RORB: variants seen among roughly 807,000 people sequenced by gnomAD.
RORB encodes nuclear receptor ROR-beta.
In RORB, 6 loss-of-function variants were observed where a neutral mutation model predicts 59.1. That is an observed-to-expected ratio of 0.10 (90% CI 0.06 to 0.20). The LOEUF is 0.20. RORB is among the 10% of genes least tolerant of loss of function. The pLI, the probability that RORB is intolerant of heterozygous loss-of-function variation, is 1.00. For synonymous variants in RORB, 215 were observed against 204.5 expected, an observed-to-expected ratio of 1.05 and a Z score of -0.44; for missense variants, 320 against 560.5, an observed-to-expected ratio of 0.57 and a Z score of 4.33.
chr9:74,554,273 T>G (rs527526217), intron 1 of RORB, among the ~76,000 whole-genome samples: 6 of 152,284 alleles, frequency 3.9e-5, no homozygotes, highest in Non-Finnish European at 8.8e-5. Context: ...CCTAGTGCCA[T>G]GTATTTGCAT....
chr9:74,636,697 C>T (rs1823709263), intron 3 of RORB, among the ~76,000 whole-genome samples: 1 of 149,650 alleles, frequency 6.7e-6, no homozygotes, highest in Non-Finnish European at 1.5e-5. Context: ...CTGCCGGGGA[C>T]ATCTTCAAAA....
At chr9:74,541,808 G>T (rs1340052036) in intron 1 of RORB, among the ~76,000 whole-genome samples, 1 of 152,136 alleles carries the variant, frequency 6.6e-6, no homozygotes, top group Admixed American at 6.5e-5. Flanking sequence ...CAATAGGTGT[G>T]GGGAGTACAG....
chr9:74,553,084 A>T (rs993278214), intron 1 of RORB, among the ~76,000 whole-genome samples: 1 of 152,154 alleles, frequency 6.6e-6, no homozygotes, highest in African/African-American at 2.4e-5. Flanking sequence ...AGGAGCCTTG[A>T]TAAAGAGTTT....
At chr9:74,574,967 G>A (rs1822610385) in intron 1 of RORB, among the ~76,000 whole-genome samples, 1 of 152,058 alleles carries the variant, frequency 6.6e-6, no homozygotes, top group African/African-American at 2.4e-5. Flanking sequence ...ACTGATGGGG[G>A]CCAAAAGAGT....
chr9:74,623,522 G>A (rs1050845230), intron 1 of RORB, among the ~76,000 whole-genome samples: 22 of 151,198 alleles, frequency 1.5e-4, no homozygotes, highest in Non-Finnish European at 2.2e-4. Flanking sequence ...AAAGGCAAAA[G>A]CAGAGACCAC....
chr9:74,534,038 T>C (rs1276917332), intron 1 of RORB, among the ~76,000 whole-genome samples: 1 of 152,074 alleles, frequency 6.6e-6, no homozygotes, highest in African/African-American at 2.4e-5. Context: ...TATCTCTACT[T>C]GGTGTTCTTC....
chr9:74,580,200 T>G (rs1487092835), intron 1 of RORB, among the ~76,000 whole-genome samples: 1 of 152,000 alleles, frequency 6.6e-6, no homozygotes, highest in African/African-American at 2.4e-5. Flanking sequence ...GGAGTAAAAT[T>G]TGGAAAGGCA....
intron 1 of RORB, among the ~76,000 whole-genome samples, chr9:74,539,846 T>A: frequency 7.7e-6 from 1 of 129,548 alleles, no homozygotes; most frequent in South Asian, 2.4e-4. Flanking sequence ...AATTGCCAAA[T>A]CACTTACCCA....
intron 9 of RORB, among the ~76,000 whole-genome samples, chr9:74,673,825 C>T (rs997484322): frequency 1.3e-5 from 2 of 152,166 alleles, no homozygotes; most frequent in African/African-American, 4.8e-5. Flanking sequence ...AACCAGGTGA[C>T]AAAGCATTGC....
intron 1 of RORB, among the ~76,000 whole-genome samples, chr9:74,509,869 T>C (rs1264880138): frequency 6.6e-6 from 1 of 152,006 alleles, no homozygotes; most frequent in African/African-American, 2.4e-5. Context: ...GAAAAAAAAA[T>C]TACATTTGAC....
intron 4 of RORB, among the ~76,000 whole-genome samples, chr9:74,643,893 C>T (rs919375469): frequency 2.6e-5 from 4 of 152,350 alleles, no homozygotes; most frequent in African/African-American, 9.6e-5. Flanking sequence ...TTCTCAATCC[C>T]AGTTCCTTCA....
At chr9:74,621,208 G>C (rs1823412017) in intron 1 of RORB, among the ~76,000 whole-genome samples, 1 of 152,094 alleles carries the variant, frequency 6.6e-6, no homozygotes. Flanking sequence ...TGTCATTACA[G>C]TATTGTACAG....
chr9:74,503,091 T>C lies in RORB; in HGVS notation c.7+5108T>C, dbSNP rs4327913. ...ATTAATGTATGTTTTTTATTCTAGA[T>C]GTAGTTCTGTTATTCTATCTATTCT... is the stretch of plus-strand genomic sequence containing the variant. On this transcript the variant is annotated intron_variant, in intron 1 of 9. Coordinates refer to ENST00000376896, the MANE Select transcript of RORB (RefSeq NM_006914.4). 9.3e-4 allele frequency among the ~76,000 whole-genome samples: 142 copies of C among 152,200 alleles called. 3 individuals are homozygous for C. The East Asian group carries it at 0.023, about 24-fold the overall frequency.
chr9:74,604,292 C>G (rs1486311177), intron 1 of RORB, among the ~76,000 whole-genome samples: 3 of 152,138 alleles, frequency 2.0e-5, no homozygotes, highest in Admixed American at 6.5e-5. Context: ...CTTGGCAAGG[C>G]CATTTAATCT....
intron 1 of RORB, among the ~76,000 whole-genome samples, chr9:74,582,535 T>C (rs1218807978): frequency 6.6e-6 from 1 of 152,204 alleles, no homozygotes; most frequent in Non-Finnish European, 1.5e-5. Flanking sequence ...CCCTTCACAG[T>C]GTTGTTTTGT....
chr9:74,498,337 C>A (rs759910598), intron 1 of RORB: 170 of 287,626 alleles, frequency 5.9e-4, no homozygotes, highest in Non-Finnish European at 9.8e-4. Context: ...TGCCTCTGGA[C>A]AGGAGCAGTT....
intron 1 of RORB, among the ~76,000 whole-genome samples, chr9:74,529,854 C>T (rs968619882): frequency 2.0e-5 from 3 of 151,674 alleles, no homozygotes; most frequent in Non-Finnish European, 2.9e-5. Flanking sequence ...CAGAAATCAC[C>T]GCTGAAGGAC....
chr9:74,560,089 T>A (rs1345554727), intron 1 of RORB, among the ~76,000 whole-genome samples: 1 of 152,170 alleles, frequency 6.6e-6, no homozygotes, highest in Middle Eastern at 3.2e-3. Flanking sequence ...TTGGAGCATT[T>A]GTTTCCTCTA....
intron 1 of RORB, among the ~76,000 whole-genome samples, chr9:74,609,430 G>A (rs977809449): frequency 1.6e-4 from 24 of 152,028 alleles, no homozygotes; most frequent in African/African-American, 5.1e-4. Context: ...ATTAATGAAT[G>A]GACACAAAAT....
Sources: gnomAD v4.1 joint callset for allele counts (sites outside exome capture counted in the v4.1 genomes callset) on GRCh38, gnomAD v4.1.1 for gene constraint, MANE v1.5 for transcripts, NCBI Gene and HGNC (gene_info 2026-07-23, HGNC 2026-07-21) for gene names.